SOX5: variants seen among roughly 807,000 people sequenced by gnomAD.
SOX5 encodes transcription factor SOX-5.
Under a neutral mutation model 92.0 loss-of-function variants are expected in SOX5, and 9 were observed. That is an observed-to-expected ratio of 0.10 (90% CI 0.06 to 0.17). The LOEUF (loss-of-function observed/expected upper bound fraction) is 0.17. SOX5 is among the 10% of genes least tolerant of loss of function. SOX5 has a pLI of 1.00. For synonymous variants in SOX5, 344 were observed against 336.3 expected (o/e 1.02, Z -0.25); for missense variants, 642 against 944.5 (o/e 0.68, Z 4.20).
chr12:23,563,282 A>G lies in SOX5; in HGVS notation c.1464T>C (p.Gly488=). The change falls in exon 11 of 15, where the codon GGT becomes GGC. Residue 488 remains glycine, a synonymous_variant. Transcript: ENST00000451604. ...CCTTTTCTGTTCGGCAGTTATTGAG[A>G]CCCAGACTATTCACAACAGCCACCT... The part of the protein sequence containing the change: ...DGKVAVVNSL[G]LNNCRTEKEK... The G allele has an allele frequency of 6.2e-7, 1 of 1,613,824 alleles. No individual in the cohort carries two copies. The highest frequency in any genetic ancestry group is 8.5e-7 in the Non-Finnish European group (1 of 1,179,820).
chr12:24,181,493 G>A (rs1955491805), intron 4 of SOX5, among the ~76,000 whole-genome samples: 1 of 152,118 alleles, frequency 6.6e-6, no homozygotes, highest in African/African-American at 2.4e-5. Context: ...TGTTTATATT[G>A]TTTTAATGTA....
chr12:23,989,926 T>C (rs1329515387), intron 4 of SOX5, among the ~76,000 whole-genome samples: 1 of 152,008 alleles, frequency 6.6e-6, no homozygotes, highest in Non-Finnish European at 1.5e-5. Context: ...TACCTCAACT[T>C]TAGAAAGAGA....
intron 6 of SOX5, among the ~76,000 whole-genome samples, chr12:23,734,214 C>T (rs1281321848): frequency 2.0e-5 from 3 of 152,102 alleles, no homozygotes; most frequent in African/African-American, 4.8e-5. Flanking sequence ...CCAGGCAAAA[C>T]CACAGGTAAA....
intron 4 of SOX5, among the ~76,000 whole-genome samples, chr12:24,112,543 T>TTC: frequency 7.0e-6 from 1 of 142,530 alleles, no homozygotes; most frequent in Admixed American, 7.0e-5. Flanking sequence ...TTTTTTTTTT[T>TTC]TTTTTGAGGC....
rs146547548 is a variant in SOX5, at chr12:24,239,825, C to A, written c.-76-26408G>T. On this transcript the variant is annotated intron_variant, in intron 3 of 4. Transcript: ENST00000446891. ...GACATTTCTGCAATTTATGTTTATG[C>A]CATTCTTTCACTTTTATTTAAAAAG... Among the ~76,000 whole-genome samples, 338 of 152,216 alleles carry A rather than the reference C, an allele frequency of 2.2e-3. 1 individual carries two copies. The highest frequency in any genetic ancestry group is 7.6e-3 in the African/African-American group (316 of 41,546).
intron 4 of SOX5, among the ~76,000 whole-genome samples, chr12:24,139,618 C>A (rs11047277): frequency 6.6e-6 from 1 of 152,140 alleles, no homozygotes; most frequent in Non-Finnish European, 1.5e-5. Flanking sequence ...AAGAACGGAC[C>A]GCTTCAATCT....
intron 4 of SOX5, among the ~76,000 whole-genome samples, chr12:24,177,678 T>A (rs1319459350): frequency 2.0e-5 from 3 of 152,212 alleles, no homozygotes; most frequent in Non-Finnish European, 4.4e-5. Flanking sequence ...TGGTATAAAA[T>A]TTTAGCTTGA....
intron 4 of SOX5, among the ~76,000 whole-genome samples, chr12:24,152,867 T>G (rs1951798945): frequency 6.6e-6 from 1 of 152,026 alleles, no homozygotes; most frequent in Non-Finnish European, 1.5e-5. Context: ...AAGAGAATTG[T>G]AATCATATCT....
intron 1 of SOX5, among the ~76,000 whole-genome samples, chr12:23,919,487 G>A (rs2097457540): frequency 6.6e-6 from 1 of 152,170 alleles, no homozygotes; most frequent in Non-Finnish European, 1.5e-5. Context: ...TCTAAATGTG[G>A]TAATAAAATG....
rs566884721 is a variant in SOX5 at position 24,381,900 on chromosome 12, T to C, written c.-250-13261A>G. Reference sequence around the variant, plus strand: ...GACTTTAACCCCAAAGCTTCCTACATGGAATTCAAAAAGAAAACAATGTAC... The same window carrying C: ...GACTTTAACCCCAAAGCTTCCTACACGGAATTCAAAAAGAAAACAATGTAC... On this transcript the variant is annotated intron_variant, in intron 1 of 4. Transcript: ENST00000446891. 1.1e-4 allele frequency among the ~76,000 whole-genome samples: 17 copies of C among 152,324 alleles called. No homozygotes were observed. In the South Asian group the frequency reaches 3.5e-3, roughly 32 times the overall value.
intron 11 of SOX5, among the ~76,000 whole-genome samples, chr12:23,556,449 T>G (rs2136236012): frequency 6.6e-6 from 1 of 152,186 alleles, no homozygotes; most frequent in African/African-American, 2.4e-5. Flanking sequence ...TATTAATCAC[T>G]TGTGTTATTT....
chr12:24,058,065 G>A (rs377277263), intron 4 of SOX5, among the ~76,000 whole-genome samples: 1 of 152,366 alleles, frequency 6.6e-6, no homozygotes, highest in African/African-American at 2.4e-5. Context: ...AGCAAGGTAA[G>A]ATAGCTCAGC....
chr12:23,545,303 G>A (rs1942903170), intron 12 of SOX5, among the ~76,000 whole-genome samples: 1 of 152,128 alleles, frequency 6.6e-6, no homozygotes, highest in African/African-American at 2.4e-5. Flanking sequence ...AGTTGAGGGC[G>A]GTACTGCCAA....
rs149623993 is a variant in SOX5 at position 23,836,288 on chromosome 12, C to T, written c.481+9695G>A. 1.9e-3 allele frequency among the ~76,000 whole-genome samples: 291 copies of T among 151,848 alleles called. 1 individual carries two copies. The highest frequency in any genetic ancestry group is 6.5e-3 in the African/African-American group (269 of 41,492). On this transcript the variant is annotated intron_variant, in intron 3 of 14. Coordinates refer to ENST00000451604, the MANE Select transcript of SOX5 (RefSeq NM_006940.6). The stretch of plus-strand genomic sequence containing the variant: ...TGTTACATAGGCCAGATATTTAAAA[C>T]CATGAATAGACCATGCACTTTAGCA...
At chr12:24,342,807 T>C (rs1952735226) in intron 2 of SOX5, among the ~76,000 whole-genome samples, 1 of 152,220 alleles carries the variant, frequency 6.6e-6, no homozygotes, top group Non-Finnish European at 1.5e-5. Flanking sequence ...GAAATTTGTA[T>C]TTATTTAAGA....
intron 2 of SOX5, among the ~76,000 whole-genome samples, chr12:23,868,788 A>G (rs963287033): frequency 6.6e-6 from 1 of 152,080 alleles, no homozygotes; most frequent in Non-Finnish European, 1.5e-5. Flanking sequence ...AGGCTTTTTT[A>G]TTCAATGTTT....
chr12:23,861,223 C>T (rs2096754145), intron 2 of SOX5, among the ~76,000 whole-genome samples: 2 of 152,030 alleles, frequency 1.3e-5, no homozygotes, highest in Admixed American at 6.6e-5. Context: ...GCTGTGTGTC[C>T]TGCCTCTAAA....
At chr12:23,568,733 T>G (rs1029994364) in intron 10 of SOX5, among the ~76,000 whole-genome samples, 1 of 152,148 alleles carries the variant, frequency 6.6e-6, no homozygotes, top group Non-Finnish European at 1.5e-5. Context: ...GTTTCACTTC[T>G]TCCTCGCTCT....
intron 4 of SOX5, among the ~76,000 whole-genome samples, chr12:23,989,279 C>A (rs946292250): frequency 4.0e-5 from 6 of 151,008 alleles, no homozygotes; most frequent in Non-Finnish European, 5.9e-5. Flanking sequence ...CTGGTCCCTG[C>A]CACTCGGGGG....
Sources: gnomAD v4.1 joint callset for allele counts (sites outside exome capture counted in the v4.1 genomes callset) on GRCh38, gnomAD v4.1.1 for gene constraint, MANE v1.5 for transcripts, NCBI Gene and HGNC (gene_info 2026-07-23, HGNC 2026-07-21) for gene names.